Variants in TEX11 observed in about 807,000 individuals in gnomAD.
TEX11 encodes testis-expressed protein 11.
In TEX11, 7 loss-of-function variants were observed where a neutral mutation model predicts 84.4. That is an observed-to-expected ratio of 0.08 (90% CI 0.05 to 0.16). TEX11 has a LOEUF of 0.16. Among genes scored for constraint, TEX11 ranks in the 10% least tolerant of loss-of-function variants. The pLI is 1.00. For synonymous variants in TEX11, 264 were observed against 222.8 expected, an observed-to-expected ratio of 1.18 and a Z score of -1.64; for missense variants, 551 against 660.5, an observed-to-expected ratio of 0.83 and a Z score of 1.82.
chrX:70,614,417 T>C (rs2089295817), intron 20 of TEX11, among the ~76,000 whole-genome samples: 2 of 111,154 alleles, frequency 1.8e-5, no homozygotes, highest in East Asian at 2.8e-4. Flanking sequence ...GTACTCCCCA[T>C]GGGCCTGTGG....
At chrX:70,821,560 C>A (rs1342930354) in intron 8 of TEX11, among the ~76,000 whole-genome samples, 1 of 112,134 alleles carries the variant, frequency 8.9e-6, no homozygotes, top group Non-Finnish European at 1.9e-5. Flanking sequence ...GTTTCCAGAG[C>A]CCCTGCCACC....
intron 9 of TEX11, among the ~76,000 whole-genome samples, chrX:70,748,409 G>A (rs1286564120): frequency 1.8e-5 from 2 of 111,646 alleles, no homozygotes; most frequent in Admixed American, 1.9e-4. Flanking sequence ...CAGAGTTCAT[G>A]GAGTAAAGAA....
chrX:70,781,455 T>A (rs1182633842), intron 9 of TEX11, among the ~76,000 whole-genome samples: 1 of 111,931 alleles, frequency 8.9e-6, no homozygotes, highest in Non-Finnish European at 1.9e-5. Context: ...CAAAGCTGGA[T>A]GGAGAATGAC....
intron 9 of TEX11, among the ~76,000 whole-genome samples, chrX:70,774,416 A>G (rs758905616): frequency 9.0e-6 from 1 of 111,226 alleles, no homozygotes; most frequent in Admixed American, 9.6e-5. Flanking sequence ...AGGCATCCGA[A>G]CTGGAAAAGA....
intron 25 of TEX11, among the ~76,000 whole-genome samples, chrX:70,558,791 A>G (rs2088323245): frequency 8.9e-6 from 1 of 112,194 alleles, no homozygotes; most frequent in Admixed American, 9.5e-5. Context: ...ACAATGGCCA[A>G]TAACCATCTG....
chrX:70,670,629 C>T, intron 15 of TEX11, 115 bp from the exon 16 acceptor site: 1 of 845,641 alleles, frequency 1.2e-6, no homozygotes, highest in South Asian at 3.0e-5. Context: ...GCAATCAAAA[C>T]ACAATATCCT....
chrX:70,577,126 C>T (rs746746802), intron 25 of TEX11, among the ~76,000 whole-genome samples: 49 of 111,579 alleles, frequency 4.4e-4, no homozygotes, highest in Non-Finnish European at 7.9e-4. Context: ...GTCCTGAGCT[C>T]CTCTCCACAT....
At chrX:70,786,468 T>C (rs1936748992) in intron 9 of TEX11, among the ~76,000 whole-genome samples, 1 of 111,181 alleles carries the variant, frequency 9.0e-6, no homozygotes, top group Non-Finnish European at 1.9e-5. Context: ...GAACTTGAAG[T>C]ATAATAAAAT....
intron 9 of TEX11, among the ~76,000 whole-genome samples, chrX:70,753,795 C>A (rs761947046): frequency 9.1e-6 from 1 of 109,395 alleles, no homozygotes; most frequent in East Asian, 2.9e-4. Context: ...GGTTGTGAGG[C>A]CTCCTCTCCA....
In TEX11 at chrX:70,833,578, C is replaced by T. The variant is rs149131292; in HGVS notation, c.541G>A (p.Asp181Asn). ...ACACACATAGATGCTCTTTGAAAAT[C>T]CCCTTGAGCAACTGCCTGAAAAAGA... ...YQAESAVAQG[D>N]FQRASMCVLQ... Residue 181 changes from aspartate (D) to asparagine (N), a missense_variant, in exon 8 of 30, where the codon GAT becomes AAT. By Grantham distance (23) the Asp-to-Asn change is conservative. Coordinates refer to ENST00000374333, the MANE Select transcript of TEX11 (RefSeq NM_031276.3). 93 of 1,199,156 alleles carry T rather than the reference C, an allele frequency of 7.8e-5. No homozygotes were observed. In the African/African-American group the frequency reaches 1.5e-3, roughly 20 times the overall value.
chrX:70,682,908 A>G (rs1250049563), intron 13 of TEX11, 83 bp from the exon 14 acceptor site: 2 of 926,739 alleles, frequency 2.2e-6, no homozygotes, highest in Non-Finnish European at 3.0e-6. Context: ...TTTCAGTGTG[A>G]GCAAAATAAG....
intron 13 of TEX11, among the ~76,000 whole-genome samples, chrX:70,717,713 G>T (rs1007896608): frequency 1.8e-5 from 2 of 111,427 alleles, no homozygotes; most frequent in African/African-American, 3.3e-5. Context: ...TTATGCTCTT[G>T]CTATAAAATT....
chrX:70,746,998 G>A (rs1414540469), intron 9 of TEX11, among the ~76,000 whole-genome samples: 2 of 111,965 alleles, frequency 1.8e-5, no homozygotes, highest in Non-Finnish European at 3.8e-5. Context: ...TAAGCAGATC[G>A]TCTGACCAAA....
intron 9 of TEX11, among the ~76,000 whole-genome samples, chrX:70,770,363 C>T (rs1422165875): frequency 9.0e-6 from 1 of 111,477 alleles, no homozygotes; most frequent in African/African-American, 3.3e-5. Flanking sequence ...ATAAACATAT[C>T]CCCTATTTAA....
At chrX:70,798,344 C>T (rs2147801238) in intron 9 of TEX11, among the ~76,000 whole-genome samples, 1 of 111,102 alleles carries the variant, frequency 9.0e-6, no homozygotes, top group African/African-American at 3.3e-5. Context: ...TTGAAGAAAA[C>T]ACAAATAAAG....
At chrX:70,601,681 C>G (rs1227565632) in intron 24 of TEX11, among the ~76,000 whole-genome samples, 1 of 100,173 alleles carries the variant, frequency 1.0e-5, no homozygotes, top group East Asian at 3.1e-4. Context: ...GAGGACCCTG[C>G]GGCCTTCTGC....
intron 17 of TEX11, among the ~76,000 whole-genome samples, chrX:70,639,330 T>C (rs1353237897): frequency 1.8e-5 from 2 of 111,330 alleles, no homozygotes; most frequent in Non-Finnish European, 3.8e-5. Context: ...AAGGCGGCAG[T>C]GAGGCTGGGG....
At chrX:70,769,855 C>T (rs746570308) in intron 9 of TEX11, among the ~76,000 whole-genome samples, 4 of 111,558 alleles carry the variant, frequency 3.6e-5, no homozygotes, top group Non-Finnish European at 3.8e-5. Flanking sequence ...GTGCTAATAC[C>T]TACCTTTCCA....
At chrX:70,552,608 A>G (rs1387445953) in intron 27 of TEX11, among the ~76,000 whole-genome samples, 1 of 111,812 alleles carries the variant, frequency 8.9e-6, no homozygotes, top group Non-Finnish European at 1.9e-5. Context: ...ATGATTCCAC[A>G]AGAACTGTCT....
Sources: gnomAD v4.1 joint callset for allele counts (sites outside exome capture counted in the v4.1 genomes callset) on GRCh38, gnomAD v4.1.1 for gene constraint, MANE v1.5 for transcripts, NCBI Gene and HGNC (gene_info 2026-07-23, HGNC 2026-07-21) for gene names.